Variants in JPH3 observed in about 807,000 individuals in gnomAD.
JPH3 encodes junctophilin-3.
JPH3 carries 11 observed loss-of-function variants against 59.6 expected under a neutral mutation model. The ratio of observed to expected loss-of-function variants is 0.18; its 90% CI spans 0.12 to 0.31. JPH3 has a LOEUF of 0.31. Among genes scored for constraint, JPH3 ranks in the 10% least tolerant of loss-of-function variants. JPH3 has a pLI of 1.00. For missense variants in JPH3, 1,202 were observed against 1,105.7 expected, an observed-to-expected ratio of 1.09 and a Z score of -1.24; for synonymous variants, 673 against 483.6, an observed-to-expected ratio of 1.39 and a Z score of -5.14.
At chr16:87,643,606 A>T (rs928082642) in intron 1 of JPH3, among the ~76,000 whole-genome samples, 6 of 151,862 alleles carry the variant, frequency 4.0e-5, no homozygotes, top group African/African-American at 1.2e-4. Flanking sequence ...TAGCCTCCTA[A>T]CCCAGGACGC....
In JPH3 at chr16:87,644,952, C is replaced by T. The variant is rs763479212; in HGVS notation, c.1077C>T (p.Ile359=). 6.2e-7 allele frequency: 1 copy of T among 1,611,862 alleles called. No individual in the cohort carries two copies. Among genetic ancestry groups the T allele is most frequent in the Non-Finnish European group, 8.5e-7 (1 of 1,179,894 alleles). ...KNLIPLRASK[I]REKVDRAVEA... ...TCATCCCCCTGCGGGCCAGCAAGATCCGCGAGAAGGTGGACCGCGCCGTTG... is the reference window on the plus strand; with the variant it reads ...TCATCCCCCTGCGGGCCAGCAAGATTCGCGAGAAGGTGGACCGCGCCGTTG... The change falls in exon 2 of 5, where the codon ATC becomes ATT. Residue 359 remains isoleucine, a synonymous_variant. Transcript: ENST00000284262.
At chr16:87,696,080 G>A (rs1436978102) in intron 4 of JPH3, 1 of 456,776 alleles carries the variant, frequency 2.2e-6, no homozygotes, top group East Asian at 6.9e-5. Context: ...TTTTGTTGAG[G>A]ACACTGTGCT....
At chr16:87,643,523 C>G (rs1180035404) in intron 1 of JPH3, among the ~76,000 whole-genome samples, 1 of 152,226 alleles carries the variant, frequency 6.6e-6, no homozygotes, top group East Asian at 1.9e-4. Flanking sequence ...ATGGGGAGCT[C>G]ACTGTCTCCC....
At chr16:87,679,925 C>T (rs1415952536) in intron 2 of JPH3, among the ~76,000 whole-genome samples, 1 of 152,232 alleles carries the variant, frequency 6.6e-6, no homozygotes, top group East Asian at 1.9e-4. Flanking sequence ...AGCCCCCGCC[C>T]TCTGCTCCAG....
chr16:87,604,098 C>T, intron 1 of JPH3: 1 of 1,309,150 alleles, frequency 7.6e-7, no homozygotes. Context: ...GGTGGTTGGA[C>T]GCGGACTAGC....
chr16:87,688,935 C>T (rs1361090103), intron 3 of JPH3, among the ~76,000 whole-genome samples: 3 of 152,198 alleles, frequency 2.0e-5, no homozygotes, highest in Non-Finnish European at 1.5e-5. Flanking sequence ...AGTCTCGGGG[C>T]TAGTCCTACA....
intron 2 of JPH3, among the ~76,000 whole-genome samples, chr16:87,659,094 A>G (rs889372981): frequency 2.0e-5 from 3 of 152,146 alleles, no homozygotes; most frequent in African/African-American, 4.8e-5. Flanking sequence ...GCTGGAACAG[A>G]CGGGTGTGGT....
intron 2 of JPH3, among the ~76,000 whole-genome samples, chr16:87,681,783 C>T (rs1186675291): frequency 6.6e-6 from 1 of 152,168 alleles, no homozygotes; most frequent in African/African-American, 2.4e-5. Flanking sequence ...TTTTCCTTGG[C>T]TTCCGGGGAG....
At chr16:87,693,972 C>T (rs543626059) in intron 4 of JPH3, 11 of 152,374 alleles carry the variant, frequency 7.2e-5, no homozygotes, top group African/African-American at 2.6e-4. Context: ...GTGTTGAGCC[C>T]ACCGTGCCGA....
chr16:87,622,770 C>G (rs113878386), intron 1 of JPH3, among the ~76,000 whole-genome samples: 1 of 151,978 alleles, frequency 6.6e-6, no homozygotes, highest in Non-Finnish European at 1.5e-5. Context: ...CGCTGAGAGG[C>G]CTGGTCCTGC....
chr16:87,679,766 C>T (rs1186090795), intron 2 of JPH3, among the ~76,000 whole-genome samples: 1 of 152,218 alleles, frequency 6.6e-6, no homozygotes, highest in Non-Finnish European at 1.5e-5. Context: ...GGAGGCCCGG[C>T]CGTGTCCTCT....
In JPH3 at chr16:87,644,866, G is replaced by A. The variant is rs1383906849; in HGVS notation, c.991G>A (p.Gly331Ser). 21 of 1,613,492 alleles carry A rather than the reference G, an allele frequency of 1.3e-5. No homozygotes were observed. The highest frequency in any genetic ancestry group is 4.5e-5 in the East Asian group (2 of 44,860). The change falls in exon 2 of 5, where the codon GGC becomes AGC. Residue 331 changes from glycine (G) to serine (S), a missense_variant. Physicochemically the swap from Gly to Ser is moderately conservative, Grantham distance 56. Transcript: ENST00000284262. The part of the protein sequence containing the change: ...HGYGCMTFPD[G>S]TKEEGKYKQN... ...CTACGGCTGCATGACCTTCCCGGAC[G>A]GCACCAAGGAGGAGGGCAAGTACAA...
At chr16:87,692,888 A>T (rs1490660487) in intron 4 of JPH3, among the ~76,000 whole-genome samples, 1 of 152,176 alleles carries the variant, frequency 6.6e-6, no homozygotes, top group Non-Finnish European at 1.5e-5. Flanking sequence ...GTGGCAGAAG[A>T]GGTGCCACTG....
At chr16:87,630,102 C>CA (rs1174307849) in intron 1 of JPH3, among the ~76,000 whole-genome samples, 2 of 152,206 alleles carry the variant, frequency 1.3e-5, no homozygotes, top group Non-Finnish European at 2.9e-5. Flanking sequence ...CTGCTCCACT[C>CA]AGTTGACTGT....
intron 1 of JPH3, among the ~76,000 whole-genome samples, chr16:87,637,547 C>G (rs996305686): frequency 2.0e-5 from 3 of 152,030 alleles, no homozygotes; most frequent in Admixed American, 1.3e-4. Context: ...GTCATGGGAC[C>G]CAGTCACGTG....
At chr16:87,610,982 C>G (rs1249125032) in intron 1 of JPH3, among the ~76,000 whole-genome samples, 1 of 152,200 alleles carries the variant, frequency 6.6e-6, no homozygotes, top group African/African-American at 2.4e-5. Flanking sequence ...AAGCATTTGC[C>G]AAGTTCAGAC....
intron 1 of JPH3, among the ~76,000 whole-genome samples, chr16:87,607,708 A>G (rs964750888): frequency 6.6e-6 from 1 of 152,254 alleles, no homozygotes; most frequent in Non-Finnish European, 1.5e-5. Flanking sequence ...CATGGGGCGT[A>G]TGCTTTGTGC....
intron 3 of JPH3, among the ~76,000 whole-genome samples, chr16:87,687,768 G>A (rs567018526): frequency 3.3e-5 from 5 of 152,170 alleles, no homozygotes; most frequent in African/African-American, 9.7e-5. Flanking sequence ...CCCCTCTAGC[G>A]TGGGGTCTCC....
chr16:87,633,763 A>C lies in JPH3; in HGVS notation c.383-10495A>C, dbSNP rs1382115375. ...GCAGGGAGCCAAGATCACACACTGCACTCCAGCCTGGGCGACAGAATGAGA... is the reference window on the plus strand; with the variant it reads ...GCAGGGAGCCAAGATCACACACTGCCCTCCAGCCTGGGCGACAGAATGAGA... On this transcript the variant is annotated intron_variant, in intron 1 of 4. Coordinates refer to ENST00000284262, the MANE Select transcript of JPH3 (RefSeq NM_020655.4). Among the ~76,000 whole-genome samples the C allele has an allele frequency of 2.0e-5, 3 of 151,892 alleles. No individual in the cohort carries two copies. The East Asian group carries it at 5.8e-4, about 29-fold the overall frequency.
Sources: gnomAD v4.1 joint callset for allele counts (sites outside exome capture counted in the v4.1 genomes callset) on GRCh38, gnomAD v4.1.1 for gene constraint, MANE v1.5 for transcripts, NCBI Gene and HGNC (gene_info 2026-07-23, HGNC 2026-07-21) for gene names.